Variants in KIF24 observed in about 807,000 individuals in gnomAD.
KIF24 encodes the protein kinesin family member 24.
A neutral mutation model predicts 118.9 loss-of-function variants in KIF24; 81 were observed. The observed-to-expected ratio is 0.68, with a 90% CI of 0.57 to 0.82. KIF24 has a LOEUF of 0.82. KIF24 is among the 40% of genes least tolerant of loss of function. The pLI, the probability that KIF24 is intolerant of heterozygous loss-of-function variation, is 0.00. For missense variants in KIF24, 1,560 were observed against 1,661.6 expected (o/e 0.94, Z 1.06); for synonymous variants, 599 against 610.0 (o/e 0.98, Z 0.27).
chr9:34,309,261 G>C (rs1329593856), intron 2 of KIF24, among the ~76,000 whole-genome samples: 1 of 151,994 alleles, frequency 6.6e-6, no homozygotes, highest in East Asian at 1.9e-4. Context: ...AAGAAAATAG[G>C]CCAGGCGTGG....
chr9:34,288,848 CCACA>C (rs10537521), intron 5 of KIF24, among the ~76,000 whole-genome samples: 7,092 of 138,798 alleles, frequency 0.051, 208 homozygotes, highest in African/African-American at 0.082. Context: ...CCCAAATAAA[CCACA>C]CACACACACA....
At chr9:34,295,194 T>TAGAC (rs111912796) in intron 4 of KIF24, among the ~76,000 whole-genome samples, 4,057 of 149,668 alleles carry the variant, frequency 0.027, 155 homozygotes, top group African/African-American at 0.081. Flanking sequence ...GATGGATGGA[T>TAGAC]AGACAGACAG....
intron 6 of KIF24, among the ~76,000 whole-genome samples, chr9:34,278,465 T>C (rs1835734747): frequency 6.6e-6 from 1 of 151,338 alleles, no homozygotes; most frequent in Admixed American, 6.6e-5. Context: ...TGTAAACTTC[T>C]AAAACTTAAA....
At chr9:34,330,431 T>G (rs1452284877), upstream of KIF24, among the ~76,000 whole-genome samples, 2 of 151,952 alleles carry the variant, frequency 1.3e-5, no homozygotes, top group Non-Finnish European at 2.9e-5. Context: ...AAAAAAAAAC[T>G]GAATGCAATC....
rs897721348 is a variant in KIF24 at position 34,318,278 on chromosome 9, G to A, written c.-25-6907C>T. On this transcript the variant is annotated intron_variant, in intron 1 of 12. Transcript: ENST00000402558. This position sits in a 1 kb window ranked among gnomAD's most constrained non-coding sequence, Gnocchi z 4.9. ...TTACATAGAAATAGGCTATAGAAGA[G>A]TAGAATCGTGTCGCGGCTCGAGAGC... is the stretch of plus-strand genomic sequence containing the variant. The A allele has an allele frequency of 5.3e-6, 3 of 564,676 alleles. No individual in the cohort carries two copies. Among genetic ancestry groups the A allele is most frequent in the African/African-American group, 3.8e-5 (2 of 53,230 alleles). 35.0% of individuals were successfully genotyped at this position (564,676 alleles called of 1,614,324 possible).
At chr9:34,271,553 A>C (rs1157179356) in intron 7 of KIF24, among the ~76,000 whole-genome samples, 4 of 152,110 alleles carry the variant, frequency 2.6e-5, no homozygotes, top group Non-Finnish European at 5.9e-5. Context: ...TTCTCTGCTG[A>C]AACTGTGTTT....
chr9:34,295,194 T>TAGACAGACAGACAGACAGACAGAC (rs111912796), intron 4 of KIF24, among the ~76,000 whole-genome samples: 6 of 149,688 alleles, frequency 4.0e-5, no homozygotes, highest in South Asian at 2.1e-4. Flanking sequence ...GATGGATGGA[T>TAGACAGACAGACAGACAGACAGAC]AGACAGACAG....
intron 2 of KIF24, among the ~76,000 whole-genome samples, chr9:34,308,894 A>T (rs1189346106): frequency 2.0e-5 from 3 of 152,096 alleles, no homozygotes; most frequent in African/African-American, 7.2e-5. Flanking sequence ...AGCCTGGGTA[A>T]CATAGTGAGA....
chr9:34,284,486 T>C (rs1038706322), intron 6 of KIF24, among the ~76,000 whole-genome samples: 2 of 152,016 alleles, frequency 1.3e-5, no homozygotes, highest in African/African-American at 2.4e-5. Flanking sequence ...ATTCCTATGA[T>C]AAAACACTCT....
Position 34,318,378 on chromosome 9 carries a change from T to G in KIF24, c.-25-7007A>C. 1 of 534,274 alleles carries G rather than the reference T, an allele frequency of 1.9e-6. No homozygotes were observed. The highest frequency in any genetic ancestry group is 3.6e-6 in the Non-Finnish European group (1 of 280,514). 33.1% of individuals were successfully genotyped at this position (534,274 alleles called of 1,614,324 possible). On this transcript the variant is annotated intron_variant, in intron 1 of 12. Coordinates refer to ENST00000402558, the MANE Select transcript of KIF24 (RefSeq NM_194313.4). This position sits in a 1 kb window ranked among gnomAD's most constrained non-coding sequence, Gnocchi z 4.9. ...TGACCTAGCCCTGACAGGTCCATCG[T>G]GGTGCACGCAAACCACCTCCCAGCC...
In KIF24 at chr9:34,304,767, C is replaced by T. The variant is rs538147061; in HGVS notation, c.813+1485G>A. On this transcript the variant is annotated intron_variant, in intron 3 of 12. Coordinates refer to ENST00000402558, the MANE Select transcript of KIF24 (RefSeq NM_194313.4). ...CTCTGTGAAACACAATTTTGGTAAC[C>T]AAAGAAAAAGAAGAACAATACAAGT... 8.8e-4 allele frequency among the ~76,000 whole-genome samples: 133 copies of T among 151,998 alleles called. 1 individual carries two copies. The highest frequency in any genetic ancestry group is 8.8e-5 in the Non-Finnish European group (6 of 67,970).
chr9:34,255,228 C>T lies in KIF24; in HGVS notation c.3873-63G>A, dbSNP rs77384420. On this transcript the variant is annotated intron_variant, in intron 11 of 12. Transcript: ENST00000402558. ...CTCCCAGCCTCTCCTGGGTAGCTTTCTGGAGGTGATCTCATTTGTAAGCTG... is the reference window on the plus strand; with the variant it reads ...CTCCCAGCCTCTCCTGGGTAGCTTTTTGGAGGTGATCTCATTTGTAAGCTG... The T allele has an allele frequency of 2.7e-3, 2,769 of 1,025,080 alleles. 44 individuals carry two copies. The African/African-American group carries it at 0.038, about 14-fold the overall frequency. 63.5% of individuals were successfully genotyped at this position (1,025,080 alleles called of 1,614,324 possible).
Position 34,290,277 on chromosome 9 carries a change from T to G in KIF24, c.1024A>C (p.Arg342=), listed in dbSNP as rs375143814. 122 of 1,613,574 alleles carry G rather than the reference T, an allele frequency of 7.6e-5. 1 individual carries two copies. The African/African-American group carries it at 1.4e-3, about 19-fold the overall frequency. Reference sequence around the variant, plus strand: ...CTTGGCTGGGACACTTCTAGTTGCCTGAAGATATCTTTGGCAGCTAGAGCA... The same window carrying G: ...CTTGGCTGGGACACTTCTAGTTGCCGGAAGATATCTTTGGCAGCTAGAGCA... ...LYALAAKDIF[R]QLEVSQPRKH... is the part of the protein sequence containing the mutation. The change falls in exon 5 of 13, where the codon AGG becomes CGG. Residue 342 remains arginine (R), a synonymous_variant. Transcript: ENST00000402558.
intron 1 of KIF24, among the ~76,000 whole-genome samples, chr9:34,327,330 C>T (rs147264199): frequency 9.2e-5 from 14 of 151,630 alleles, no homozygotes; most frequent in African/African-American, 2.9e-4. Flanking sequence ...AAGAGTTCAG[C>T]CCCTCACTTT....
chr9:34,287,898 C>T (rs1836109149), intron 5 of KIF24, among the ~76,000 whole-genome samples: 1 of 149,110 alleles, frequency 6.7e-6, no homozygotes, highest in Admixed American at 6.7e-5. Flanking sequence ...ACAGCAAGAG[C>T]CCATCTCTGT....
At chr9:34,324,600 A>T (rs1206262055) in intron 1 of KIF24, among the ~76,000 whole-genome samples, 1 of 152,212 alleles carries the variant, frequency 6.6e-6, no homozygotes, top group Non-Finnish European at 1.5e-5. Flanking sequence ...CTGTAGAGCC[A>T]GATCACTCTT....
At chr9:34,275,588 C>A (rs1208179133) in intron 6 of KIF24, among the ~76,000 whole-genome samples, 2 of 152,122 alleles carry the variant, frequency 1.3e-5, no homozygotes, top group Non-Finnish European at 2.9e-5. Flanking sequence ...CACCTGTAAT[C>A]CCAGCACTTT....
At chr9:34,327,551 A>G (rs1315435222) in intron 1 of KIF24, among the ~76,000 whole-genome samples, 2 of 152,180 alleles carry the variant, frequency 1.3e-5, no homozygotes, top group African/African-American at 4.8e-5. Context: ...CCCTGGATAC[A>G]GTGCTTTGTA....
Position 34,255,838 on chromosome 9 carries a change from T to A in KIF24, c.3769A>T (p.Arg1257Trp). ...CTTGCTAAGCACCTTGAGATCGGCC[T>A]GGGTTTGAGCCATGTGACATTTTCA... ...NSENVTWLKPRPISRCLARPS... is the reference protein window; with the variant it reads ...NSENVTWLKPWPISRCLARPS... Residue 1257 changes from arginine (R) to tryptophan (W), a missense_variant, in exon 11 of 13, where the codon AGG becomes TGG. Arg to Trp is a moderately radical substitution (Grantham distance 101). Coordinates refer to ENST00000402558, the MANE Select transcript of KIF24 (RefSeq NM_194313.4). 1 of 1,613,998 alleles carries A rather than the reference T, an allele frequency of 6.2e-7. No homozygotes were observed. The highest frequency in any genetic ancestry group is 1.1e-5 in the South Asian group (1 of 91,080).
Sources: gnomAD v4.1 joint callset for allele counts (sites outside exome capture counted in the v4.1 genomes callset) on GRCh38, gnomAD v4.1.1 for gene constraint, Gnocchi (gnomAD v3.1) non-coding constraint, MANE v1.5 for transcripts, NCBI Gene and HGNC (gene_info 2026-07-23, HGNC 2026-07-21) for gene names.